TRPM7: variants seen among roughly 807,000 people sequenced by gnomAD.
The protein encoded by TRPM7 is LTRPC ion channel family member 7.
TRPM7 carries 134 observed loss-of-function variants against 229.7 expected under a neutral mutation model. The ratio of observed to expected loss-of-function variants is 0.58; its 90% CI spans 0.51 to 0.67. The LOEUF (loss-of-function observed/expected upper bound fraction) is 0.67. Among genes scored for constraint, TRPM7 ranks in the 30% least tolerant of loss-of-function variants. TRPM7 has a pLI of 0.00. For synonymous variants in TRPM7, 699 were observed against 715.2 expected (o/e 0.98, Z 0.36); for missense variants, 1,901 against 2,210.0 (o/e 0.86, Z 2.80).
Position 50,637,424 on chromosome 15 carries a change from G to C in TRPM7, c.830C>G (p.Ala277Gly). 1 of 1,611,716 alleles carries C rather than the reference G, an allele frequency of 6.2e-7. No homozygotes were observed. The highest frequency in any genetic ancestry group is 8.5e-7 in the Non-Finnish European group (1 of 1,178,970). Residue 277 changes from alanine (A) to glycine (G), a missense_variant and splice_region_variant, in exon 7 of 39, where the codon GCT becomes GGT. Coordinates refer to ENST00000646667, the MANE Select transcript of TRPM7 (RefSeq NM_017672.6). Reference sequence around the variant, plus strand: ...AACAAATTTGTGAATTCACTTACTAGCATGAATTCTTTGCTGATTAATAGT... The same window carrying C: ...AACAAATTTGTGAATTCACTTACTACCATGAATTCTTTGCTGATTAATAGT... ...EKTINQQRIHARIGQGVPVVA... is the reference protein window; with the variant it reads ...EKTINQQRIHGRIGQGVPVVA...
intron 20 of TRPM7, among the ~76,000 whole-genome samples, chr15:50,606,335 T>C (rs560490005): frequency 1.3e-5 from 2 of 151,994 alleles, no homozygotes; most frequent in South Asian, 4.2e-4. Flanking sequence ...GCTGAGATTG[T>C]GCCACTGCAC....
intron 16 of TRPM7, 141 bp from the exon 17 acceptor site, chr15:50,611,462 C>G (rs967383291): frequency 3.0e-6 from 2 of 662,392 alleles, no homozygotes; most frequent in Admixed American, 2.9e-5. Flanking sequence ...AACCATAACT[C>G]TGTTTTCAGA....
In TRPM7 at chr15:50,611,320, C is replaced by T. The variant is rs2060056754; in HGVS notation, c.2053G>A (p.Asp685Asn). 1 of 1,611,232 alleles carries T rather than the reference C, an allele frequency of 6.2e-7. No homozygotes were observed. Among genetic ancestry groups the T allele is most frequent in the Admixed American group, 1.7e-5 (1 of 59,572 alleles). ...TSEELKQYSN[D>N]FGQLAVELLE... ...AATTCAACGGCCAACTGACCAAAATCACTATAAAAAGATAAAAGCCAAAAT... is the reference window on the plus strand; with the variant it reads ...AATTCAACGGCCAACTGACCAAAATTACTATAAAAAGATAAAAGCCAAAAT... Residue 685 changes from aspartate to asparagine, a missense_variant and splice_region_variant, in exon 17 of 39, where the codon GAT becomes AAT. Physicochemically the swap from Asp to Asn is conservative, Grantham distance 23. Around this residue, in one of 8 missense-constraint regions of TRPM7, gnomAD observed 794 missense variants for 881.9 expected, o/e 0.90. Coordinates refer to ENST00000646667, the MANE Select transcript of TRPM7 (RefSeq NM_017672.6).
intron 38 of TRPM7, among the ~76,000 whole-genome samples, chr15:50,565,251 G>C (rs1405852904): frequency 6.6e-6 from 1 of 151,960 alleles, no homozygotes. Context: ...CAAAGTGCTG[G>C]GATTACAGGG....
At chr15:50,649,118 T>G (rs945554317) in intron 3 of TRPM7, among the ~76,000 whole-genome samples, 1 of 152,068 alleles carries the variant, frequency 6.6e-6, no homozygotes, top group Non-Finnish European at 1.5e-5. Flanking sequence ...ACATGAGGCA[T>G]CTACAAAACA....
Position 50,609,708 on chromosome 15 carries a change from A to AC in TRPM7, c.2452dup (p.Val818GlyfsTer6). ...TCCTTCATTACTATCCAAAATCCGTACTTCTTTAAACACTTCCTAAAATTA... is the reference window on the plus strand; with the variant it reads ...TCCTTCATTACTATCCAAAATCCGTACCTTCTTTAAACACTTCCTAAAATTA... On this transcript the variant is annotated frameshift_variant, in exon 19 of 39. Transcript: ENST00000646667. LOFTEE classifies it high-confidence loss of function. The AC allele has an allele frequency of 6.3e-7, 1 of 1,584,534 alleles. No homozygotes were observed. The highest frequency in any genetic ancestry group is 1.2e-5 in the South Asian group (1 of 85,012).
rs535462683 is a variant in TRPM7, at chr15:50,611,871, T to C, written c.2052-550A>G. ...AAACTTCTACAAACTACTTTTCCAG[T>C]TTAATATTCCAACACTGCCCCTCTA... On this transcript the variant is annotated intron_variant, in intron 16 of 38. Coordinates refer to ENST00000646667, the MANE Select transcript of TRPM7 (RefSeq NM_017672.6). Among the ~76,000 whole-genome samples the C allele has an allele frequency of 7.2e-5, 11 of 152,326 alleles. No individual in the cohort carries two copies. The South Asian group carries it at 2.1e-3, about 29-fold the overall frequency.
chr15:50,666,467 AG>A (rs984105741), intron 1 of TRPM7, among the ~76,000 whole-genome samples: 15 of 151,822 alleles, frequency 9.9e-5, no homozygotes, highest in Middle Eastern at 3.4e-3. Context: ...AAAGAAGAGG[AG>A]GAAGAGGAAG....
rs201303254 is a variant in TRPM7, at chr15:50,593,677, T to G, written c.3548A>C (p.Asn1183Thr). The change falls in exon 25 of 39, where the codon AAT becomes ACT. Residue 1183 changes from asparagine to threonine, a missense_variant. Around this residue, in one of 8 missense-constraint regions of TRPM7, gnomAD observed 533 missense variants for 497.1 expected, o/e 1.07. Coordinates refer to ENST00000646667, the MANE Select transcript of TRPM7 (RefSeq NM_017672.6). ...AGAATGAAATTTGTCATCTTTTTCA[T>G]TGAAATACATTTCAACACACTGCTC... ...FEEQCVEMYF[N>T]EKDDKFHSGS... The G allele has an allele frequency of 1.9e-6, 3 of 1,612,262 alleles. No individual in the cohort carries two copies. Among genetic ancestry groups the G allele is most frequent in the Non-Finnish European group, 2.5e-6 (3 of 1,179,448 alleles).
At position 50,559,531 on chromosome 15, in the gene TRPM7, C is replaced by A. The variant is rs1471056205; in HGVS notation, c.*2147G>T. The A allele has an allele frequency of 7.4e-6, 1 of 135,442 alleles. No homozygotes were observed. Among genetic ancestry groups the A allele is most frequent in the Non-Finnish European group, 1.7e-5 (1 of 60,422 alleles). The allele number at this position is 135,442 out of a possible 1,614,324, so 8.4% of individuals were successfully genotyped here. ...CAAAACAAAACAAAACAAAACAAAA[C>A]AAAAACAGTATAGATGAAAGGCAGC... On this transcript the variant is annotated 3_prime_UTR_variant, in exon 39 of 39. Coordinates refer to ENST00000646667, the MANE Select transcript of TRPM7 (RefSeq NM_017672.6).
rs554697954 is a variant in TRPM7 at position 50,654,106 on chromosome 15, C to T, written c.122+3675G>A. On this transcript the variant is annotated intron_variant, in intron 3 of 38. Coordinates refer to ENST00000646667, the MANE Select transcript of TRPM7 (RefSeq NM_017672.6). ...AATTTAATCACCTGTCAGAAAGAAA[C>T]TGAACACTCCTTACAGGAAAATTAT... Among the ~76,000 whole-genome samples the T allele has an allele frequency of 1.9e-4, 29 of 152,226 alleles. No individual in the cohort carries two copies. The South Asian group carries it at 6.0e-3, about 32-fold the overall frequency.
chr15:50,667,130 C>T (rs1338778599), intron 1 of TRPM7, among the ~76,000 whole-genome samples: 2 of 152,074 alleles, frequency 1.3e-5, no homozygotes, highest in African/African-American at 4.8e-5. Flanking sequence ...GATTGGCCGA[C>T]TCTGGGGGTG....
chr15:50,629,301 C>A (rs574501396), intron 10 of TRPM7, among the ~76,000 whole-genome samples: 1 of 149,684 alleles, frequency 6.7e-6, no homozygotes, highest in Non-Finnish European at 1.5e-5. Flanking sequence ...GAGACCGAGT[C>A]TCTCCCTGTT....
At chr15:50,673,065 AATTT>A (rs1467926650) in intron 1 of TRPM7, among the ~76,000 whole-genome samples, 3 of 151,242 alleles carry the variant, frequency 2.0e-5, no homozygotes, top group East Asian at 1.9e-4. Context: ...AGCTAGCGTT[AATTT>A]ATTATTGAAT....
At chr15:50,654,731 G>GCT (rs2061510456) in intron 3 of TRPM7, among the ~76,000 whole-genome samples, 1 of 150,788 alleles carries the variant, frequency 6.6e-6, no homozygotes, top group Admixed American at 6.6e-5. Context: ...GGGCGCAGTG[G>GCT]CTCACGCCTG....
intron 2 of TRPM7, 34 bp from the exon 3 acceptor site, chr15:50,657,853 A>C (rs1449566693): frequency 1.9e-6 from 3 of 1,581,496 alleles, no homozygotes; most frequent in Non-Finnish European, 2.6e-6. Flanking sequence ...AAATTATTTC[A>C]GGTGAAAAAC....
intron 36 of TRPM7, among the ~76,000 whole-genome samples, chr15:50,571,738 G>C (rs146720259): frequency 0.34 from 52,249 of 152,014 alleles, 10,352 homozygotes; most frequent in Admixed American, 0.48. Context: ...TTGCTACATT[G>C]TTTAACTTGT....
At chr15:50,630,013 C>G (rs1301839997) in intron 10 of TRPM7, among the ~76,000 whole-genome samples, 1 of 151,856 alleles carries the variant, frequency 6.6e-6, no homozygotes, top group Non-Finnish European at 1.5e-5. Flanking sequence ...AGGCATCCAC[C>G]ACCACCCCCA....
chr15:50,616,624 A>G (rs1217607719), intron 13 of TRPM7, among the ~76,000 whole-genome samples: 1 of 152,204 alleles, frequency 6.6e-6, no homozygotes. Flanking sequence ...TAAATGCTCT[A>G]AAGTTAGACT....
Sources: gnomAD v4.1 joint callset for allele counts (sites outside exome capture counted in the v4.1 genomes callset) on GRCh38, gnomAD v4.1.1 for gene constraint, gnomAD v4.1.1 regional missense constraint, MANE v1.5 for transcripts, NCBI Gene and HGNC (gene_info 2026-07-23, HGNC 2026-07-21) for gene names.